SIPA1L1: variants seen among roughly 807,000 people sequenced by gnomAD.
The protein encoded by SIPA1L1 is signal-induced proliferation-associated 1-like protein 1.
In SIPA1L1, 26 loss-of-function variants were observed where a neutral mutation model predicts 162.7. The observed-to-expected ratio is 0.16, with a 90% CI of 0.12 to 0.22. SIPA1L1 has a LOEUF of 0.22. Among genes scored for constraint, SIPA1L1 ranks in the 10% least tolerant of loss-of-function variants. The pLI is 1.00. For missense variants in SIPA1L1, 1,874 were observed against 2,241.0 expected (o/e 0.84, Z 3.31); for synonymous variants, 829 against 837.4 (o/e 0.99, Z 0.17).
chr14:71,603,933 T>A (rs1294904438), intron 5 of SIPA1L1, among the ~76,000 whole-genome samples: 208 of 144,314 alleles, frequency 1.4e-3, no homozygotes, highest in Non-Finnish European at 2.5e-3. Flanking sequence ...ATATATATAT[T>A]TATATATCTA....
intron 13 of SIPA1L1, among the ~76,000 whole-genome samples, chr14:71,690,226 T>C (rs762472335): frequency 1.3e-5 from 2 of 152,078 alleles, no homozygotes; most frequent in Non-Finnish European, 2.9e-5. Context: ...CCATTGCCCA[T>C]TGACTTCCAT....
intron 2 of SIPA1L1, among the ~76,000 whole-genome samples, chr14:71,371,696 G>C (rs1478024736): frequency 6.6e-6 from 1 of 152,080 alleles, no homozygotes; most frequent in African/African-American, 2.4e-5. Context: ...CACCGTGCCT[G>C]GCCAGAGTCT....
At chr14:71,705,961 C>T (rs1458702276) in intron 16 of SIPA1L1, among the ~76,000 whole-genome samples, 1 of 152,046 alleles carries the variant, frequency 6.6e-6, no homozygotes, top group Non-Finnish European at 1.5e-5. Flanking sequence ...GGACGGGACG[C>T]CCTCCCCATG....
At chr14:71,441,947 A>G (rs1282808804) in intron 2 of SIPA1L1, among the ~76,000 whole-genome samples, 1 of 151,808 alleles carries the variant, frequency 6.6e-6, no homozygotes, top group Non-Finnish European at 1.5e-5. Context: ...CAAGGCAGGC[A>G]GATAACCTGA....
At chr14:71,597,944 A>G (rs1368401630) in intron 5 of SIPA1L1, among the ~76,000 whole-genome samples, 2 of 152,252 alleles carry the variant, frequency 1.3e-5, no homozygotes, top group African/African-American at 4.8e-5. Flanking sequence ...ATAGAAGGTC[A>G]GGTTTTACAA....
At chr14:71,445,888 G>A (rs1390410374) in intron 2 of SIPA1L1, among the ~76,000 whole-genome samples, 1 of 152,056 alleles carries the variant, frequency 6.6e-6, no homozygotes, top group Non-Finnish European at 1.5e-5. Context: ...TTGCTCTGTT[G>A]CTCAGGTTGG....
chr14:71,458,525 G>A (rs963141826), intron 2 of SIPA1L1, among the ~76,000 whole-genome samples: 1 of 152,114 alleles, frequency 6.6e-6, no homozygotes, highest in Non-Finnish European at 1.5e-5. Context: ...GTGATATTAA[G>A]TGTAGAACAA....
chr14:71,468,005 GGTGTGTGTGTGTGTGTGTGTGTGTGTGT>G (rs56265408), intron 2 of SIPA1L1, among the ~76,000 whole-genome samples: 1 of 141,606 alleles, frequency 7.1e-6, no homozygotes, highest in African/African-American at 2.6e-5. Context: ...CAGTTAGAGG[GGTGTGTGTGTGTGTGTGTGTGTGTGTGT>G]GTGTGTGTGT....
chr14:71,444,956 C>T (rs1173545511), intron 2 of SIPA1L1, among the ~76,000 whole-genome samples: 1 of 152,162 alleles, frequency 6.6e-6, no homozygotes, highest in Non-Finnish European at 1.5e-5. Flanking sequence ...GGGAAGATAC[C>T]TCCACCCCAG....
At chr14:71,738,174 A>C (rs1277149682) in intron 22 of SIPA1L1, 67 bp from the exon 23 acceptor site, 13 of 777,716 alleles carry the variant, frequency 1.7e-5, no homozygotes, top group Admixed American at 1.5e-4. Context: ...AAAAAAAAAA[A>C]AAAAAAAAAA....
chr14:71,552,492 C>T (rs550448632), intron 4 of SIPA1L1, among the ~76,000 whole-genome samples: 11 of 151,632 alleles, frequency 7.3e-5, no homozygotes, highest in South Asian at 6.2e-4. Context: ...CCCAGGTTCA[C>T]GACATTCTCC....
At chr14:71,640,317 G>T (rs928503415) in intron 7 of SIPA1L1, among the ~76,000 whole-genome samples, 3 of 152,142 alleles carry the variant, frequency 2.0e-5, no homozygotes, top group African/African-American at 7.2e-5. Flanking sequence ...GGGACCTTCA[G>T]CTTGGTTAAG....
At chr14:71,456,908 G>C (rs1015868085) in intron 2 of SIPA1L1, among the ~76,000 whole-genome samples, 3 of 152,072 alleles carry the variant, frequency 2.0e-5, no homozygotes, top group African/African-American at 7.2e-5. Flanking sequence ...AACTTAATAG[G>C]ACATCAGTAT....
intron 17 of SIPA1L1, among the ~76,000 whole-genome samples, chr14:71,722,245 T>C (rs2083807704): frequency 6.6e-6 from 1 of 152,232 alleles, no homozygotes; most frequent in East Asian, 1.9e-4. Context: ...TGGATTCTTA[T>C]GAAGGTGCTT....
At chr14:71,470,816 T>G (rs1344551860) in intron 2 of SIPA1L1, among the ~76,000 whole-genome samples, 1 of 152,012 alleles carries the variant, frequency 6.6e-6, no homozygotes, top group African/African-American at 2.4e-5. Flanking sequence ...GACTCAGAGT[T>G]TTTTTTGTTT....
chr14:71,502,249 A>ATATATATATATAT (rs1567114570), intron 2 of SIPA1L1, among the ~76,000 whole-genome samples: 11 of 67,066 alleles, frequency 1.6e-4, no homozygotes, highest in African/African-American at 2.1e-4. Flanking sequence ...CTTGAAAAAA[A>ATATATATATATAT]AAAAAAATAT....
chr14:71,458,199 C>G (rs1278083913), intron 2 of SIPA1L1, among the ~76,000 whole-genome samples: 1 of 151,966 alleles, frequency 6.6e-6, no homozygotes, highest in Non-Finnish European at 1.5e-5. Flanking sequence ...GTGTCTGATC[C>G]AATTTGAATT....
chr14:71,720,458 G>A (rs1351104724), intron 17 of SIPA1L1, among the ~76,000 whole-genome samples: 5 of 152,012 alleles, frequency 3.3e-5, no homozygotes, highest in African/African-American at 9.7e-5. Context: ...GCGGGTGCCT[G>A]TAATCACAGC....
intron 4 of SIPA1L1, among the ~76,000 whole-genome samples, chr14:71,540,753 G>A (rs1479683677): frequency 6.6e-6 from 1 of 152,190 alleles, no homozygotes; most frequent in Admixed American, 6.5e-5. Context: ...TTTGAAATTA[G>A]GGCAAAATCA....
Sources: allele counts gnomAD v4.1 joint callset (sites outside exome capture counted in the v4.1 genomes callset), GRCh38; gene constraint gnomAD v4.1.1; transcripts MANE v1.5; gene names NCBI Gene and HGNC (gene_info 2026-07-23, HGNC 2026-07-21).